The following LRRC37A2 variants were observed in gnomAD, a reference collection of about 807,000 sequenced individuals.
LRRC37A2 encodes leucine-rich repeat-containing protein 37A2.
LRRC37A2 carries 9 observed loss-of-function variants against 68.8 expected under a neutral mutation model. That is an observed-to-expected ratio of 0.13 (90% CI 0.08 to 0.23). The LOEUF (loss-of-function observed/expected upper bound fraction) is 0.23, where lower values mean the gene tolerates loss of function less well. Ranked by LOEUF, LRRC37A2 falls within the 10% of genes least tolerant of loss-of-function variation. The probability of loss-of-function intolerance (pLI) is 1.00; values close to 1 mark genes in which losing one functional copy is unlikely to be tolerated. For synonymous variants in LRRC37A2, 63 were observed against 367.6 expected (o/e 0.17, Z 9.48); for missense variants, 168 against 950.4 (o/e 0.18, Z 10.82).
the LRRC37A2 span, among the ~76,000 whole-genome samples, chr17:46,815,642 A>G: frequency 6.6e-6 from 1 of 151,402 alleles, no homozygotes; most frequent in Non-Finnish European, 1.5e-5. Context: ...AAGGTGACTC[A>G]CCCTCCACCC....
chr17:47,005,974 G>A, the LRRC37A2 span, among the ~76,000 whole-genome samples: 82 of 152,088 alleles, frequency 5.4e-4, no homozygotes, highest in Admixed American at 5.4e-3. Flanking sequence ...TATTTTGTGA[G>A]ACAAGATCTT....
the LRRC37A2 span, among the ~76,000 whole-genome samples, chr17:46,766,675 C>G: frequency 6.6e-6 from 1 of 152,164 alleles, no homozygotes; most frequent in East Asian, 1.9e-4. Context: ...TCAGCCAGAG[C>G]TCTTCTCCAT....
chr17:46,934,686 G>T, the LRRC37A2 span, among the ~76,000 whole-genome samples: 2 of 152,252 alleles, frequency 1.3e-5, no homozygotes, highest in Non-Finnish European at 2.9e-5. Context: ...AGCTAGGTTA[G>T]TGAGTAGTCA....
chr17:46,827,639 T>G, the LRRC37A2 span, among the ~76,000 whole-genome samples: 1 of 152,212 alleles, frequency 6.6e-6, no homozygotes, highest in Non-Finnish European at 1.5e-5. Context: ...CTGTTACTTG[T>G]AGCCAAAGGC....
the LRRC37A2 span, among the ~76,000 whole-genome samples, chr17:46,405,877 A>G: frequency 4.2e-5 from 6 of 142,630 alleles, no homozygotes; most frequent in East Asian, 1.2e-3. Context: ...AATATATTAT[A>G]TAAAGGAACA....
chr17:47,001,402 T>TG, the LRRC37A2 span, among the ~76,000 whole-genome samples: 1 of 152,010 alleles, frequency 6.6e-6, no homozygotes, highest in African/African-American at 2.4e-5. Context: ...TACCAGATGC[T>TG]GGGGGGTTCT....
At chr17:46,729,226 C>T in the LRRC37A2 span, among the ~76,000 whole-genome samples, 43 of 152,258 alleles carry the variant, frequency 2.8e-4, no homozygotes, top group South Asian at 7.5e-3. Context: ...CATATCCCTA[C>T]TACCTCCAAC....
At chr17:47,036,422 G>C in the LRRC37A2 span, among the ~76,000 whole-genome samples, 1 of 152,054 alleles carries the variant, frequency 6.6e-6, no homozygotes, top group African/African-American at 2.4e-5. Flanking sequence ...CTAATTTAAG[G>C]TCATGAGATT....
At chr17:46,761,820 C>T in the LRRC37A2 span, among the ~76,000 whole-genome samples, 1 of 152,228 alleles carries the variant, frequency 6.6e-6, no homozygotes, top group Non-Finnish European at 1.5e-5. Flanking sequence ...CAACTTGTGG[C>T]ATCTCATTGT....
chr17:46,941,954 A>G, the LRRC37A2 span: 2 of 985,292 alleles, frequency 2.0e-6, no homozygotes, highest in Non-Finnish European at 2.4e-6. Context: ...TGTCTCAAAG[A>G]TGATCACATT....
At chr17:46,870,904 C>CTTTTTTTTTTTTTTTTTT in the LRRC37A2 span, among the ~76,000 whole-genome samples, 18 of 78,386 alleles carry the variant, frequency 2.3e-4, 1 homozygote, top group African/African-American at 8.5e-4. Flanking sequence ...TCCACCTTTG[C>CTTTTTTTTTTTTTTTTTT]TTTTTTTTTT....
chr17:46,995,056 G>A, the LRRC37A2 span, among the ~76,000 whole-genome samples: 3 of 152,346 alleles, frequency 2.0e-5, no homozygotes, highest in East Asian at 5.8e-4. Flanking sequence ...CTGGGAGGTA[G>A]AGGTTGCAGT....
At chr17:46,896,339 G>GAGAA in the LRRC37A2 span, among the ~76,000 whole-genome samples, 1 of 147,014 alleles carries the variant, frequency 6.8e-6, no homozygotes, top group Non-Finnish European at 1.5e-5. Flanking sequence ...AAGAGAGAGA[G>GAGAA]AGAAAGAAAG....
At chr17:46,820,386 G>A in the LRRC37A2 span, among the ~76,000 whole-genome samples, 1 of 152,116 alleles carries the variant, frequency 6.6e-6, no homozygotes, top group African/African-American at 2.4e-5. Flanking sequence ...GGAGGAGAGA[G>A]AGAGAGGGGC....
At chr17:46,751,252 T>C in the LRRC37A2 span, among the ~76,000 whole-genome samples, 16 of 152,276 alleles carry the variant, frequency 1.1e-4, no homozygotes, top group South Asian at 1.2e-3. Flanking sequence ...GCTATTTTTT[T>C]CCCCAGAAAA....
chr17:46,930,957 T>C, the LRRC37A2 span: 1 of 656,636 alleles, frequency 1.5e-6, no homozygotes, highest in East Asian at 2.7e-5. Flanking sequence ...TTTTCTGTTA[T>C]TCATTAGTGT....
At chr17:46,502,950 C>T in the LRRC37A2 span, among the ~76,000 whole-genome samples, 5 of 150,700 alleles carry the variant, frequency 3.3e-5, no homozygotes, top group East Asian at 2.0e-4. Flanking sequence ...TGGTGGCTCA[C>T]GCCTGTAATC....
chr17:46,980,836 A>AAAAAT, the LRRC37A2 span, among the ~76,000 whole-genome samples: 17 of 152,062 alleles, frequency 1.1e-4, no homozygotes, highest in Non-Finnish European at 1.6e-4. Flanking sequence ...CCGTCTCAAA[A>AAAAAT]AAAATAAAAT....
the LRRC37A2 span, among the ~76,000 whole-genome samples, chr17:46,889,062 C>A: frequency 6.6e-6 from 1 of 152,158 alleles, no homozygotes; most frequent in Non-Finnish European, 1.5e-5. Flanking sequence ...CTCAGCTCTT[C>A]CCTGCAGCAG....
Sources: gnomAD v4.1 joint callset for allele counts (sites outside exome capture counted in the v4.1 genomes callset) on GRCh38, gnomAD v4.1.1 for gene constraint, MANE v1.5 for transcripts, NCBI Gene and HGNC (gene_info 2026-07-23, HGNC 2026-07-21) for gene names.